FGF14: variants seen among roughly 807,000 people sequenced by gnomAD.
FGF14 encodes the protein fibroblast growth factor homologous factor 4.
A neutral mutation model predicts 25.5 loss-of-function variants in FGF14; 5 were observed. The ratio of observed to expected loss-of-function variants is 0.20; its 90% CI spans 0.10 to 0.41. The LOEUF is 0.41. FGF14 is among the 10% of genes least tolerant of loss of function. The pLI is 1.00. For missense variants in FGF14, 222 were observed against 320.1 expected, an observed-to-expected ratio of 0.69 and a Z score of 2.34; for synonymous variants, 138 against 118.3, an observed-to-expected ratio of 1.17 and a Z score of -1.08.
chr13:101,778,809 C>T (rs1036549290), intron 3 of FGF14: 1 of 151,970 alleles, frequency 6.6e-6, no homozygotes, highest in African/African-American at 2.4e-5. Flanking sequence ...AAGAAAACAG[C>T]TTCTGCTTGT....
intron 1 of FGF14, among the ~76,000 whole-genome samples, chr13:101,972,072 C>T (rs990289430): frequency 6.6e-6 from 1 of 152,170 alleles, no homozygotes; most frequent in Admixed American, 6.5e-5. Context: ...TGTTTCTGCC[C>T]CTCTACCAAT....
At chr13:101,768,503 A>C (rs1274031901) in intron 3 of FGF14, among the ~76,000 whole-genome samples, 1 of 152,152 alleles carries the variant, frequency 6.6e-6, no homozygotes, top group Non-Finnish European at 1.5e-5. Context: ...AAGGTCCAAG[A>C]ATATCCACCA....
At chr13:101,988,243 AACAGATGGCAACC>A (rs1260072729) in intron 1 of FGF14, among the ~76,000 whole-genome samples, 2 of 151,914 alleles carry the variant, frequency 1.3e-5, no homozygotes, top group African/African-American at 2.4e-5. Context: ...AAATTGCAGA[AACAGATGGCAACC>A]ACTGTTGGCC....
At chr13:102,017,453 T>C (rs1377512712) in intron 1 of FGF14, among the ~76,000 whole-genome samples, 1 of 152,190 alleles carries the variant, frequency 6.6e-6, no homozygotes, top group African/African-American at 2.4e-5. Context: ...ACTGCTAGCA[T>C]CCAGTGTGTC....
At chr13:102,374,019 G>A (rs1236529841) in intron 1 of FGF14, among the ~76,000 whole-genome samples, 2 of 152,078 alleles carry the variant, frequency 1.3e-5, no homozygotes, top group African/African-American at 4.8e-5. Flanking sequence ...AGGAACTCAA[G>A]CATTGGATGG....
chr13:102,355,255 CA>C (rs1209508120), intron 1 of FGF14, among the ~76,000 whole-genome samples: 1 of 152,096 alleles, frequency 6.6e-6, no homozygotes, highest in Non-Finnish European at 1.5e-5. Context: ...TGACAAAAAA[CA>C]AATGCATTAG....
intron 1 of FGF14, among the ~76,000 whole-genome samples, chr13:102,186,135 A>G (rs2048865248): frequency 1.3e-5 from 2 of 152,136 alleles, no homozygotes; most frequent in African/African-American, 4.8e-5. Flanking sequence ...TGATTCAATA[A>G]CTAAAGCTGA....
rs189489341 is a variant in FGF14, at chr13:102,334,292, T to C, written c.208+67179A>G. On this transcript the variant is annotated intron_variant, in intron 1 of 4. Coordinates refer to the FGF14 transcript ENST00000376131. ...GGTTTAGTCCTATCTGATAGACATATAGGTGGGTAGATTCCGTGAGTCAAG... is the reference window on the plus strand; with the variant it reads ...GGTTTAGTCCTATCTGATAGACATACAGGTGGGTAGATTCCGTGAGTCAAG... Among the ~76,000 whole-genome samples, 149 of 152,276 alleles carry C rather than the reference T, an allele frequency of 9.8e-4. 1 individual carries two copies. The highest frequency in any genetic ancestry group is 1.7e-3 in the Non-Finnish European group (117 of 68,024).
At chr13:101,730,863 A>T (rs1026659787) in intron 3 of FGF14, among the ~76,000 whole-genome samples, 11 of 152,186 alleles carry the variant, frequency 7.2e-5, no homozygotes, top group African/African-American at 2.4e-4. Context: ...TGGTGAGGAG[A>T]TGAAGACAGT....
chr13:102,318,511 C>T lies in FGF14; in HGVS notation c.208+82960G>A, dbSNP rs559533440. On this transcript the variant is annotated intron_variant, in intron 1 of 4. Transcript: ENST00000376131. ...GAACTGGGAGGGAGACTCTGGTCCA[C>T]GCCTTTTCCAAGCTGCTAGTGGTTT... is the stretch of plus-strand genomic sequence containing the variant. Among the ~76,000 whole-genome samples the T allele has an allele frequency of 1.8e-3, 278 of 152,320 alleles. 1 individual carries two copies. The highest frequency in any genetic ancestry group is 5.9e-3 in the African/African-American group (246 of 41,574).
chr13:101,913,028 C>T (rs958212498), intron 1 of FGF14, among the ~76,000 whole-genome samples: 5 of 152,034 alleles, frequency 3.3e-5, no homozygotes, highest in Admixed American at 1.3e-4. Flanking sequence ...ACAACAGTGA[C>T]GTATGAAATA....
chr13:101,826,154 T>G (rs915804334), intron 3 of FGF14, among the ~76,000 whole-genome samples: 1 of 152,134 alleles, frequency 6.6e-6, no homozygotes, highest in Non-Finnish European at 1.5e-5. Context: ...GAGAATTTTC[T>G]TTCTCACCGT....
intron 1 of FGF14, among the ~76,000 whole-genome samples, chr13:102,375,730 G>T (rs1196668346): frequency 6.6e-6 from 1 of 152,030 alleles, no homozygotes; most frequent in Non-Finnish European, 1.5e-5. Flanking sequence ...AGTCTCAAGA[G>T]AACCCAAACC....
chr13:101,830,594 A>G (rs2042621515), intron 3 of FGF14, among the ~76,000 whole-genome samples: 1 of 152,056 alleles, frequency 6.6e-6, no homozygotes, highest in Admixed American at 6.6e-5. Flanking sequence ...TAGCCCTTTG[A>G]TCCTAAGTAA....
chr13:102,233,060 C>T (rs532404013), intron 1 of FGF14, among the ~76,000 whole-genome samples: 12 of 152,252 alleles, frequency 7.9e-5, no homozygotes, highest in Admixed American at 7.2e-4. Context: ...CTCCTCTGGT[C>T]CCACCTCACA....
At chr13:102,166,123 A>G (rs1414603014) in intron 1 of FGF14, among the ~76,000 whole-genome samples, 1 of 150,972 alleles carries the variant, frequency 6.6e-6, no homozygotes, top group Non-Finnish European at 1.5e-5. Context: ...CCACCATTCC[A>G]CTTTCTGTCT....
At chr13:102,100,159 G>C (rs1281474118) in intron 1 of FGF14, among the ~76,000 whole-genome samples, 1 of 152,168 alleles carries the variant, frequency 6.6e-6, no homozygotes, top group Non-Finnish European at 1.5e-5. Flanking sequence ...GATATATTCA[G>C]GTGGAAAATG....
intron 1 of FGF14, among the ~76,000 whole-genome samples, chr13:102,023,664 C>A (rs766547536): frequency 3.8e-4 from 58 of 152,178 alleles, no homozygotes; most frequent in Non-Finnish European, 2.5e-4. Flanking sequence ...TTTGCCAATA[C>A]TGGGCAATTC....
intron 1 of FGF14, among the ~76,000 whole-genome samples, chr13:102,229,580 G>T (rs2050985461): frequency 6.6e-6 from 1 of 152,122 alleles, no homozygotes; most frequent in South Asian, 2.1e-4. Context: ...CTCAACATGG[G>T]CTGCTCTCTT....
Sources: gnomAD v4.1 joint callset for allele counts (sites outside exome capture counted in the v4.1 genomes callset) on GRCh38, gnomAD v4.1.1 for gene constraint, MANE v1.5 for transcripts, NCBI Gene and HGNC (gene_info 2026-07-23, HGNC 2026-07-21) for gene names.